Variants in KCNQ3 observed in about 807,000 individuals in gnomAD.
KCNQ3 encodes potassium voltage-gated channel subfamily KQT member 3.
Under a neutral mutation model 92.5 loss-of-function variants are expected in KCNQ3, and 30 were observed. That is an observed-to-expected ratio of 0.32 (90% confidence interval 0.24 to 0.44). The LOEUF (loss-of-function observed/expected upper bound fraction) is 0.44. Ranked by LOEUF, KCNQ3 falls within the 20% of genes least tolerant of loss-of-function variation. KCNQ3 has a pLI of 1.00. For synonymous variants in KCNQ3, 450 were observed against 468.8 expected, an observed-to-expected ratio of 0.96 and a Z score of 0.52; for missense variants, 913 against 1,140.3, an observed-to-expected ratio of 0.80 and a Z score of 2.87.
In KCNQ3 at chr8:132,468,978, G is replaced by C. The variant is rs4736586; in HGVS notation, c.386+11169C>G. On this transcript the variant is annotated intron_variant, in intron 1 of 14. Coordinates refer to ENST00000388996, the MANE Select transcript of KCNQ3 (RefSeq NM_004519.4). ...CAAACAACTCTTCTATCACTTCTGTGGCAGAATGAAAAGTCCCATCCAACA... is the reference window on the plus strand; with the variant it reads ...CAAACAACTCTTCTATCACTTCTGTCGCAGAATGAAAAGTCCCATCCAACA... Among the ~76,000 whole-genome samples the C allele has an allele frequency of 1.2e-4, 18 of 152,208 alleles. No homozygotes were observed. In the East Asian group the frequency reaches 2.5e-3, roughly 21 times the overall value.
At chr8:132,272,782 TG>T (rs35905955) in intron 1 of KCNQ3, among the ~76,000 whole-genome samples, 1 of 152,152 alleles carries the variant, frequency 6.6e-6, no homozygotes, top group Non-Finnish European at 1.5e-5. Flanking sequence ...GTGGGAATTG[TG>T]GGAGTTAAAA....
At chr8:132,275,253 G>T (rs1307076131) in intron 1 of KCNQ3, among the ~76,000 whole-genome samples, 1 of 152,068 alleles carries the variant, frequency 6.6e-6, no homozygotes, top group Non-Finnish European at 1.5e-5. Context: ...AGAGAAAAAA[G>T]GATATATAGA....
intron 1 of KCNQ3, among the ~76,000 whole-genome samples, chr8:132,395,307 T>C (rs1368172885): frequency 6.6e-6 from 1 of 152,216 alleles, no homozygotes; most frequent in African/African-American, 2.4e-5. Context: ...TGAAATTACA[T>C]CATATTGTTA....
In KCNQ3 at chr8:132,134,372, T is replaced by G; in HGVS notation, c.1717A>C (p.Thr573Pro). Reference sequence around the variant, plus strand: ...TTTGGCGTGGAGGGAGGTCCAGGGGTGAAAATCATATCTATTCTGAAAGAA... The same window carrying G: ...TTTGGCGTGGAGGGAGGTCCAGGGGGGAAAATCATATCTATTCTGAAAGAA... ...YLQTRIDMIF[T>P]PGPPSTPKHK... The change falls in exon 13 of 15, where the codon ACC becomes CCC. Residue 573 changes from threonine to proline, a missense_variant. Physicochemically the swap from Thr to Pro is conservative, Grantham distance 38 (BLOSUM62 -1). Transcript: ENST00000388996. The G allele has an allele frequency of 6.2e-7, 1 of 1,612,314 alleles. No individual in the cohort carries two copies. Among genetic ancestry groups the G allele is most frequent in the Non-Finnish European group, 8.5e-7 (1 of 1,178,470 alleles).
intron 1 of KCNQ3, among the ~76,000 whole-genome samples, chr8:132,205,784 T>C (rs1343185063): frequency 6.6e-6 from 1 of 152,188 alleles, no homozygotes; most frequent in African/African-American, 2.4e-5. Context: ...TTCAATAGAT[T>C]GGTTCAATGA....
chr8:132,342,990 G>T (rs1818578078), intron 1 of KCNQ3, among the ~76,000 whole-genome samples: 1 of 152,142 alleles, frequency 6.6e-6, no homozygotes, highest in South Asian at 2.1e-4. Flanking sequence ...CACTTCTTCA[G>T]GGCTAACGTA....
At chr8:132,253,159 C>A (rs1199872533) in intron 1 of KCNQ3, among the ~76,000 whole-genome samples, 1 of 152,152 alleles carries the variant, frequency 6.6e-6, no homozygotes, top group Non-Finnish European at 1.5e-5. Context: ...AGGAACTGTG[C>A]AAGGGAGATT....
chr8:132,137,622 G>A (rs1052461913), intron 12 of KCNQ3, among the ~76,000 whole-genome samples: 2 of 152,196 alleles, frequency 1.3e-5, no homozygotes, highest in Admixed American at 6.5e-5. Context: ...ATCACAGTCA[G>A]AAGCCATTTA....
At chr8:132,385,748 C>A (rs2258309) in intron 1 of KCNQ3, among the ~76,000 whole-genome samples, 1 of 151,754 alleles carries the variant, frequency 6.6e-6, no homozygotes, top group African/African-American at 2.4e-5. Flanking sequence ...TGTATGGGTA[C>A]AAAGTTACAG....
intron 1 of KCNQ3, among the ~76,000 whole-genome samples, chr8:132,274,333 C>G (rs997955315): frequency 6.6e-6 from 1 of 152,126 alleles, no homozygotes; most frequent in Admixed American, 6.5e-5. Context: ...TCTCGTGAGA[C>G]TTATTCACTA....
At chr8:132,453,977 C>A (rs932102457) in intron 1 of KCNQ3, among the ~76,000 whole-genome samples, 6 of 152,212 alleles carry the variant, frequency 3.9e-5, no homozygotes, top group Admixed American at 6.5e-5. Flanking sequence ...TCGGACACTG[C>A]AAGGCCAAAG....
intron 1 of KCNQ3, among the ~76,000 whole-genome samples, chr8:132,476,612 C>T (rs1165200298): frequency 6.6e-6 from 1 of 152,212 alleles, no homozygotes; most frequent in Non-Finnish European, 1.5e-5. Flanking sequence ...CCAATTTCTC[C>T]CGTTTGCAAT....
chr8:132,323,059 A>G (rs530304525), intron 1 of KCNQ3, among the ~76,000 whole-genome samples: 10 of 152,276 alleles, frequency 6.6e-5, no homozygotes, highest in African/African-American at 2.4e-4. Context: ...TTCCCTGCCC[A>G]TCACGGATCC....
chr8:132,354,618 C>T (rs1240600027), intron 1 of KCNQ3, among the ~76,000 whole-genome samples: 22 of 152,224 alleles, frequency 1.4e-4, no homozygotes, highest in Non-Finnish European at 1.5e-5. Context: ...ACCTGCTTCT[C>T]AGACTCCCCA....
chr8:132,268,443 G>A (rs923313649), intron 1 of KCNQ3, among the ~76,000 whole-genome samples: 16 of 152,194 alleles, frequency 1.1e-4, no homozygotes, highest in Non-Finnish European at 2.2e-4. Context: ...ATTTTTAGTA[G>A]AGACGAGGTG....
At chr8:132,239,115 AT>A (rs1214411815) in intron 1 of KCNQ3, among the ~76,000 whole-genome samples, 1 of 152,172 alleles carries the variant, frequency 6.6e-6, no homozygotes, top group Non-Finnish European at 1.5e-5. Flanking sequence ...AATTCATACA[AT>A]TTGTAGGATC....
At chr8:132,409,460 TAA>T (rs373219048) in intron 1 of KCNQ3, among the ~76,000 whole-genome samples, 23 of 142,688 alleles carry the variant, frequency 1.6e-4, no homozygotes, top group African/African-American at 2.8e-4. Flanking sequence ...AGATCTCCTG[TAA>T]AAAAAAAAAA....
In KCNQ3 at chr8:132,450,954, C is replaced by T. The variant is rs556983064; in HGVS notation, c.386+29193G>A. Among the ~76,000 whole-genome samples the T allele has an allele frequency of 1.1e-4, 16 of 152,306 alleles. No individual in the cohort carries two copies. The East Asian group carries it at 1.3e-3, about 13-fold the overall frequency. On this transcript the variant is annotated intron_variant, in intron 1 of 14. Transcript: ENST00000388996. The stretch of plus-strand genomic sequence containing the variant: ...AGAAGGATGGAATGTCTAGAAATAA[C>T]GTCTGTGATGCCCTTTGTTCTGAGC...
At chr8:132,229,867 T>C (rs771083871) in intron 1 of KCNQ3, among the ~76,000 whole-genome samples, 3 of 152,132 alleles carry the variant, frequency 2.0e-5, no homozygotes, top group African/African-American at 4.8e-5. Context: ...TCTAATGACA[T>C]GCCACAAACT....
Sources: allele counts gnomAD v4.1 joint callset (sites outside exome capture counted in the v4.1 genomes callset), GRCh38; gene constraint gnomAD v4.1.1; transcripts MANE v1.5; gene names NCBI Gene and HGNC (gene_info 2026-07-23, HGNC 2026-07-21).